The following KIRREL3 variants were observed in gnomAD, a reference collection of about 807,000 sequenced individuals.
KIRREL3 encodes kin of IRRE-like protein 3.
In KIRREL3, 36 loss-of-function variants were observed where a neutral mutation model predicts 89.7. That is an observed-to-expected ratio of 0.40 (90% CI 0.31 to 0.53). KIRREL3 has a LOEUF of 0.53. Among genes scored for constraint, KIRREL3 ranks in the 20% least tolerant of loss-of-function variants. KIRREL3 has a pLI of 0.49. For missense variants in KIRREL3, 864 were observed against 1,056.6 expected, an observed-to-expected ratio of 0.82 and a Z score of 2.53; for synonymous variants, 445 against 441.4, an observed-to-expected ratio of 1.01 and a Z score of -0.10.
intron 1 of KIRREL3, among the ~76,000 whole-genome samples, chr11:126,858,401 G>A (rs1944602862): frequency 6.6e-6 from 1 of 152,172 alleles, no homozygotes; most frequent in East Asian, 1.9e-4. Flanking sequence ...GGGACAGAAA[G>A]GCTGGGATGA....
chr11:126,575,578 G>C lies in KIRREL3; in HGVS notation c.56-12666C>G, dbSNP rs1196674071. The stretch of plus-strand genomic sequence containing the variant: ...ATAATATATTATTAGAAAGTACAGG[G>C]GTATGCTAAAAGTCAGGAAAATAAT... On this transcript the variant is annotated intron_variant, in intron 1 of 16. Transcript: ENST00000525144. The surrounding 1 kb of genome is among the most constrained non-coding windows in gnomAD (Gnocchi z 7.0). Among the ~76,000 whole-genome samples the C allele has an allele frequency of 1.3e-5, 2 of 152,030 alleles. No homozygotes were observed. Among genetic ancestry groups the C allele is most frequent in the Admixed American group, 6.6e-5 (1 of 15,252 alleles).
In KIRREL3 at chr11:126,566,853, T is replaced by C. The variant is rs1940557296; in HGVS notation, c.56-3941A>G. Reference sequence around the variant, plus strand: ...TTTAGATGCTCACAGTAAGTAGCTCTGTGACACAGGCAAGTCAGAAATTAT... The same window carrying C: ...TTTAGATGCTCACAGTAAGTAGCTCCGTGACACAGGCAAGTCAGAAATTAT... On this transcript the variant is annotated intron_variant, in intron 1 of 16. Transcript: ENST00000525144. The surrounding 1 kb of genome is among the most constrained non-coding windows in gnomAD (Gnocchi z 4.9). 6.6e-6 allele frequency among the ~76,000 whole-genome samples: 1 copy of C among 152,258 alleles called. No individual in the cohort carries two copies. The highest frequency in any genetic ancestry group is 1.5e-5 in the Non-Finnish European group (1 of 68,044).
In KIRREL3 at chr11:126,601,028, G is replaced by T. The variant is rs887783572; in HGVS notation, c.56-38116C>A. On this transcript the variant is annotated intron_variant, in intron 1 of 16. Transcript: ENST00000525144. The surrounding 1 kb of genome is among the most constrained non-coding windows in gnomAD (Gnocchi z 5.8). ...GTGACCTTTTCAGGAAATTACCCAG[G>T]ATTTCACAATCTTAGTCAGAAGCGA... Among the ~76,000 whole-genome samples, 1 of 152,106 alleles carries T rather than the reference G, an allele frequency of 6.6e-6. No individual in the cohort carries two copies. Among genetic ancestry groups the T allele is most frequent in the Non-Finnish European group, 1.5e-5 (1 of 68,030 alleles).
In KIRREL3 at chr11:126,643,380, C is replaced by T. The variant is rs996245988; in HGVS notation, c.56-80468G>A. On this transcript the variant is annotated intron_variant, in intron 1 of 16. Transcript: ENST00000525144. The surrounding 1 kb of genome is among the most constrained non-coding windows in gnomAD (Gnocchi z 4.5). ...GTTGAAGAGATTGGGCTAAAATTTA[C>T]AGGAAGGATGGAATTTGAGATGGTC... 3.9e-5 allele frequency among the ~76,000 whole-genome samples: 6 copies of T among 152,064 alleles called. No homozygotes were observed. In the East Asian group the frequency reaches 1.2e-3, roughly 29 times the overall value.
chr11:126,779,755 C>A (rs1894221), intron 1 of KIRREL3, among the ~76,000 whole-genome samples: 1 of 151,850 alleles, frequency 6.6e-6, no homozygotes, highest in African/African-American at 2.4e-5. Context: ...CTCTGTCCAC[C>A]GTAGTTACTA....
chr11:126,878,601 A>C (rs998814104), intron 1 of KIRREL3, among the ~76,000 whole-genome samples: 3 of 152,184 alleles, frequency 2.0e-5, no homozygotes, highest in African/African-American at 7.2e-5. Context: ...CTCAAAGAAA[A>C]AAATGCAACA....
At chr11:126,658,373 C>T (rs1317305737) in intron 1 of KIRREL3, among the ~76,000 whole-genome samples, 1 of 152,178 alleles carries the variant, frequency 6.6e-6, no homozygotes, top group African/African-American at 2.4e-5. Context: ...AGCACAGATG[C>T]AGTGACTAAA....
At chr11:126,661,283 G>T (rs760175193) in intron 1 of KIRREL3, among the ~76,000 whole-genome samples, 1 of 152,164 alleles carries the variant, frequency 6.6e-6, no homozygotes, top group Admixed American at 6.5e-5. Flanking sequence ...TTGTTTGGTT[G>T]TGTGTTGTTT....
rs1448260532 is a variant in KIRREL3 at position 126,601,188 on chromosome 11, TTA to T, written c.56-38278_56-38277del. Among the ~76,000 whole-genome samples the T allele has an allele frequency of 6.6e-6, 1 of 152,158 alleles. No individual in the cohort carries two copies. Among genetic ancestry groups the T allele is most frequent in the African/African-American group, 2.4e-5 (1 of 41,420 alleles). ...CCAGCCTCTATCTAAGGGAGAGAAT[TTA>T]TGTCTCTTCATGCTCTTGTTGACAA... On this transcript the variant is annotated intron_variant, in intron 1 of 16. Coordinates refer to ENST00000525144, the MANE Select transcript of KIRREL3 (RefSeq NM_032531.4). The surrounding 1 kb of genome is among the most constrained non-coding windows in gnomAD (Gnocchi z 5.8).
intron 1 of KIRREL3, among the ~76,000 whole-genome samples, chr11:126,649,264 C>T (rs983355391): frequency 2.6e-5 from 4 of 152,144 alleles, no homozygotes; most frequent in African/African-American, 9.7e-5. Context: ...TATCATTCTG[C>T]TCCTGGCCCC....
chr11:126,817,568 C>T lies in KIRREL3; in HGVS notation c.55+182887G>A, dbSNP rs1015713036. ...GGAACCCCTGCTCGGTACTCCCTGT[C>T]CCATGCCCAGAAGGGGATGCCTTGC... On this transcript the variant is annotated intron_variant, in intron 1 of 16. Transcript: ENST00000525144. This position sits in a 1 kb window ranked among gnomAD's most constrained non-coding sequence, Gnocchi z 5.7. Among the ~76,000 whole-genome samples, 1 of 152,210 alleles carries T rather than the reference C, an allele frequency of 6.6e-6. No homozygotes were observed. The highest frequency in any genetic ancestry group is 2.4e-5 in the African/African-American group (1 of 41,456).
In KIRREL3 at chr11:126,989,081, T is replaced by G. The variant is rs1949951666; in HGVS notation, c.55+11374A>C. Among the ~76,000 whole-genome samples, 2 of 152,178 alleles carry G rather than the reference T, an allele frequency of 1.3e-5. No homozygotes were observed. The highest frequency in any genetic ancestry group is 4.8e-5 in the African/African-American group (2 of 41,452). ...CTCGTTGGTATAACATCTTTTAATT[T>G]GAGGAGGAGCTCAGTCCCCATTATT... On this transcript the variant is annotated intron_variant, in intron 1 of 16. Transcript: ENST00000525144. The surrounding 1 kb of genome is among the most constrained non-coding windows in gnomAD (Gnocchi z 6.2).
intron 1 of KIRREL3, among the ~76,000 whole-genome samples, chr11:126,695,406 CAAAA>C (rs36034228): frequency 6.2e-5 from 4 of 64,350 alleles, no homozygotes; most frequent in South Asian, 7.5e-4. Context: ...TTAGCTTTAC[CAAAA>C]AAAAAAAAAA....
chr11:126,867,780 C>G lies in KIRREL3; in HGVS notation c.55+132675G>C, dbSNP rs1278270736. Among the ~76,000 whole-genome samples, 1 of 152,028 alleles carries G rather than the reference C, an allele frequency of 6.6e-6. No individual in the cohort carries two copies. The highest frequency in any genetic ancestry group is 2.4e-5 in the African/African-American group (1 of 41,366). On this transcript the variant is annotated intron_variant, in intron 1 of 16. Coordinates refer to ENST00000525144, the MANE Select transcript of KIRREL3 (RefSeq NM_032531.4). This position sits in a 1 kb window ranked among gnomAD's most constrained non-coding sequence, Gnocchi z 4.7. ...TCTGCCTTTTTTATGAGCCTTTAAC[C>G]ACAATTTTTACTGCCGCTCAGTCCA... is the stretch of plus-strand genomic sequence containing the variant.
chr11:126,691,038 T>A lies in KIRREL3; in HGVS notation c.56-128126A>T, dbSNP rs1437978178. ...GAAACACATATGGTCAATAAACATA[T>A]GATGGGATGTTCAACCTCATTAATG... On this transcript the variant is annotated intron_variant, in intron 1 of 16. Transcript: ENST00000525144. 2.6e-5 allele frequency among the ~76,000 whole-genome samples: 4 copies of A among 152,336 alleles called. No homozygotes were observed. The South Asian group carries it at 6.2e-4, about 24-fold the overall frequency.
intron 9 of KIRREL3, among the ~76,000 whole-genome samples, chr11:126,446,305 TC>T (rs1955809326): frequency 6.6e-6 from 1 of 151,330 alleles, no homozygotes; most frequent in Non-Finnish European, 1.5e-5. Context: ...TTTCTTTCTC[TC>T]TCTCTCTTCC....
intron 1 of KIRREL3, among the ~76,000 whole-genome samples, chr11:126,693,165 T>A (rs989214610): frequency 6.6e-6 from 1 of 152,198 alleles, no homozygotes; most frequent in African/African-American, 2.4e-5. Flanking sequence ...ACGCCTGTAA[T>A]CCCAGTACTT....
chr11:126,966,790 A>G (rs1949284639), intron 1 of KIRREL3, among the ~76,000 whole-genome samples: 1 of 152,164 alleles, frequency 6.6e-6, no homozygotes. Context: ...GTAAAATGGG[A>G]ATAATGCTTA....
rs1423584655 is a variant in KIRREL3 at position 126,736,074 on chromosome 11, A to G, written c.56-173162T>C. 1.3e-5 allele frequency among the ~76,000 whole-genome samples: 2 copies of G among 152,184 alleles called. No homozygotes were observed. The highest frequency in any genetic ancestry group is 2.9e-5 in the Non-Finnish European group (2 of 68,044). On this transcript the variant is annotated intron_variant, in intron 1 of 16. Coordinates refer to ENST00000525144, the MANE Select transcript of KIRREL3 (RefSeq NM_032531.4). This position sits in a 1 kb window ranked among gnomAD's most constrained non-coding sequence, Gnocchi z 5.0. ...TAGCGTAGTGCCTAGCAGAGAGTAC[A>G]TGTTGAATACATTTATTAGTTTCTT...
Sources: gnomAD v4.1 joint callset for allele counts (sites outside exome capture counted in the v4.1 genomes callset) on GRCh38, gnomAD v4.1.1 for gene constraint, Gnocchi (gnomAD v3.1) non-coding constraint, MANE v1.5 for transcripts, NCBI Gene and HGNC (gene_info 2026-07-23, HGNC 2026-07-21) for gene names.